Variants in MBD5 observed in about 807,000 individuals in gnomAD.
MBD5 encodes methyl-CpG-binding domain protein 5.
A neutral mutation model predicts 117.3 loss-of-function variants in MBD5; 13 were observed. The ratio of observed to expected loss-of-function variants is 0.11; its 90% CI spans 0.07 to 0.18. The LOEUF is 0.18. Among genes scored for constraint, MBD5 ranks in the 10% least tolerant of loss-of-function variants. MBD5 has a pLI of 1.00. For synonymous variants in MBD5, 727 were observed against 766.4 expected (o/e 0.95, Z 0.85); for missense variants, 1,879 against 2,093.8 (o/e 0.90, Z 2.00).
At chr2:148,511,120 T>C (rs1271454016) in intron 13 of MBD5, among the ~76,000 whole-genome samples, 1 of 152,132 alleles carries the variant, frequency 6.6e-6, no homozygotes, top group Non-Finnish European at 1.5e-5. Context: ...TCTTTCTGTA[T>C]CTAGTGACCA....
intron 4 of MBD5, among the ~76,000 whole-genome samples, chr2:148,454,091 T>C (rs1235579547): frequency 1.3e-5 from 2 of 152,128 alleles, no homozygotes; most frequent in Non-Finnish European, 2.9e-5. Flanking sequence ...AAAGAAATTA[T>C]ATATACATTT....
chr2:148,512,946 G>C lies in MBD5; in HGVS notation c.*5G>C, dbSNP rs1682262158. On this transcript the variant is annotated 3_prime_UTR_variant, in exon 14 of 14. Transcript: ENST00000642680. Reference sequence around the variant, plus strand: ...AGGAGGAAGATCTCCAGATAACAGAGACTACTCCACTAATGCGCAGTGTTT... The same window carrying C: ...AGGAGGAAGATCTCCAGATAACAGACACTACTCCACTAATGCGCAGTGTTT... The C allele has an allele frequency of 1.9e-6, 3 of 1,612,254 alleles. No homozygotes were observed. The highest frequency in any genetic ancestry group is 2.5e-6 in the Non-Finnish European group (3 of 1,178,508).
chr2:148,176,066 T>G (rs1698376718), intron 1 of MBD5, among the ~76,000 whole-genome samples: 2 of 152,160 alleles, frequency 1.3e-5, no homozygotes, highest in African/African-American at 4.8e-5. Flanking sequence ...CTATTGGTTC[T>G]TATTAAAAAA....
rs2105133581 is a variant in MBD5 at position 148,490,600 on chromosome 2, C to A, written c.4962+6C>A. 1 of 1,614,078 alleles carries A rather than the reference C, an allele frequency of 6.2e-7. No individual in the cohort carries two copies. Among genetic ancestry groups the A allele is most frequent in the Non-Finnish European group, 8.5e-7 (1 of 1,180,010 alleles). ...AAAGCCCCGAGGAAGGGAAGGTATA[C>A]CAATCTTTATCCATTGTCAAATACT... On this transcript the variant is annotated splice_donor_region_variant and intron_variant, in intron 11 of 13. Coordinates refer to ENST00000642680, the MANE Select transcript of MBD5 (RefSeq NM_001378120.1).
At chr2:148,510,923 G>A (rs1453374837) in intron 13 of MBD5, among the ~76,000 whole-genome samples, 1 of 152,140 alleles carries the variant, frequency 6.6e-6, no homozygotes, top group Non-Finnish European at 1.5e-5. Context: ...GTTTTCTAGG[G>A]CCAGGCAAAT....
At chr2:148,215,688 ATTTTTTTTTT>A (rs66589231) in intron 2 of MBD5, among the ~76,000 whole-genome samples, 1 of 132,028 alleles carries the variant, frequency 7.6e-6, no homozygotes, top group Admixed American at 7.7e-5. Context: ...TGCCCGGCTA[ATTTTTTTTTT>A]TTTTTTTTTT....
intron 1 of MBD5, chr2:148,054,872 A>G (rs1694814417): frequency 6.6e-6 from 1 of 152,132 alleles, no homozygotes; most frequent in Non-Finnish European, 1.5e-5. Flanking sequence ...TCAATATTAT[A>G]TTCCCACCAT....
chr2:148,056,652 A>T (rs1217029645), intron 1 of MBD5, among the ~76,000 whole-genome samples: 1 of 152,048 alleles, frequency 6.6e-6, no homozygotes, highest in African/African-American at 2.4e-5. Context: ...TTGTCATGTT[A>T]TCTTTTTTAT....
chr2:148,107,344 G>A (rs1192620305), intron 1 of MBD5, among the ~76,000 whole-genome samples: 1 of 151,932 alleles, frequency 6.6e-6, no homozygotes, highest in Admixed American at 6.6e-5. Flanking sequence ...ACTATGGTGT[G>A]TACAGTGTGT....
intron 1 of MBD5, among the ~76,000 whole-genome samples, chr2:148,094,896 G>A (rs1003704661): frequency 1.3e-5 from 2 of 152,108 alleles, no homozygotes; most frequent in Non-Finnish European, 2.9e-5. Context: ...GATTCTGCAG[G>A]TACTTTGCTG....
At chr2:148,468,276 C>A in intron 7 of MBD5, 65 bp from the exon 8 acceptor site, 1 of 1,365,224 alleles carries the variant, frequency 7.3e-7, no homozygotes. Context: ...TCCATTCCTT[C>A]CCTCCCTCCC....
At chr2:148,147,990 C>G (rs1280439593) in intron 1 of MBD5, among the ~76,000 whole-genome samples, 1 of 152,068 alleles carries the variant, frequency 6.6e-6, no homozygotes, top group Non-Finnish European at 1.5e-5. Context: ...TTTTGTAGAC[C>G]CCTATGAACA....
intron 3 of MBD5, among the ~76,000 whole-genome samples, chr2:148,291,880 T>C (rs548278761): frequency 6.6e-6 from 1 of 152,236 alleles, no homozygotes; most frequent in Admixed American, 6.5e-5. Context: ...CATAGACCAA[T>C]GGAACAGAAT....
chr2:148,050,778 T>C (rs1694677475), intron 1 of MBD5, among the ~76,000 whole-genome samples: 1 of 152,174 alleles, frequency 6.6e-6, no homozygotes, highest in African/African-American at 2.4e-5. Flanking sequence ...TCTCCTTATA[T>C]CAATACTACA....
At chr2:148,142,812 A>T (rs1363938756) in intron 1 of MBD5, among the ~76,000 whole-genome samples, 1 of 152,222 alleles carries the variant, frequency 6.6e-6, no homozygotes, top group Non-Finnish European at 1.5e-5. Flanking sequence ...TGATACCCAG[A>T]TAGCAGTGGT....
At chr2:148,394,012 G>A (rs2105013384) in intron 4 of MBD5, among the ~76,000 whole-genome samples, 1 of 152,298 alleles carries the variant, frequency 6.6e-6, no homozygotes, top group East Asian at 1.9e-4. Context: ...TTGCTGTCTA[G>A]TGTTACTTGT....
At chr2:148,074,561 C>T (rs185370883) in intron 1 of MBD5, among the ~76,000 whole-genome samples, 1,840 of 130,876 alleles carry the variant, frequency 0.014, 52 homozygotes, top group Admixed American at 0.077. Flanking sequence ...AGTGCAGTGT[C>T]GCCATCTCGG....
chr2:148,337,133 A>C (rs532359923), intron 3 of MBD5, among the ~76,000 whole-genome samples: 1 of 152,290 alleles, frequency 6.6e-6, no homozygotes, highest in African/African-American at 2.4e-5. Flanking sequence ...TTTGGTACCC[A>C]GTGCTCAGTT....
chr2:148,416,722 G>C (rs1705432513), intron 4 of MBD5, among the ~76,000 whole-genome samples: 1 of 152,064 alleles, frequency 6.6e-6, no homozygotes, highest in African/African-American at 2.4e-5. Context: ...CATAACCCAA[G>C]TAGTACACAT....
Sources: allele counts gnomAD v4.1 joint callset (sites outside exome capture counted in the v4.1 genomes callset), GRCh38; gene constraint gnomAD v4.1.1; transcripts MANE v1.5; gene names NCBI Gene and HGNC (gene_info 2026-07-23, HGNC 2026-07-21).